The following BRDT variants were observed in gnomAD, a reference collection of about 807,000 sequenced individuals.
The protein encoded by BRDT is bromodomain testis associated.
A neutral mutation model predicts 113.9 loss-of-function variants in BRDT; 77 were observed. That is an observed-to-expected ratio of 0.68 (90% CI 0.56 to 0.82). BRDT has a LOEUF of 0.82. BRDT is among the 40% of genes least tolerant of loss of function. The probability of loss-of-function intolerance (pLI) is 0.00; values close to 1 mark genes in which losing one functional copy is unlikely to be tolerated. For missense variants in BRDT, 1,027 were observed against 1,105.4 expected (o/e 0.93, Z 1.01); for synonymous variants, 358 against 366.5 (o/e 0.98, Z 0.26).
intron 18 of BRDT, among the ~76,000 whole-genome samples, chr1:92,010,547 A>G (rs1687708210): frequency 6.6e-6 from 1 of 152,114 alleles, no homozygotes; most frequent in East Asian, 1.9e-4. Flanking sequence ...TCTGCCTCCC[A>G]AAGTGTTAGG....
intron 12 of BRDT, among the ~76,000 whole-genome samples, chr1:91,990,883 C>T (rs377473803): frequency 1.8e-4 from 27 of 152,122 alleles, no homozygotes; most frequent in African/African-American, 4.6e-4. Context: ...CTGCAACCTC[C>T]GCTTCCCAGG....
chr1:91,975,732 A>G (rs574727549), intron 4 of BRDT, among the ~76,000 whole-genome samples: 4 of 152,384 alleles, frequency 2.6e-5, no homozygotes, highest in South Asian at 2.1e-4. Flanking sequence ...TCAGAGTGAT[A>G]TGATCCAAAT....
intron 15 of BRDT, among the ~76,000 whole-genome samples, chr1:91,999,513 G>T (rs1686646400): frequency 6.6e-6 from 1 of 151,928 alleles, no homozygotes; most frequent in South Asian, 2.1e-4. Context: ...TCTCTGAATT[G>T]CATCCTTAAG....
chr1:91,959,219 T>C (rs1682144964), intron 1 of BRDT, among the ~76,000 whole-genome samples: 1 of 152,100 alleles, frequency 6.6e-6, no homozygotes, highest in Non-Finnish European at 1.5e-5. Flanking sequence ...TAATACTATA[T>C]GTAAAGTTCA....
intron 18 of BRDT, among the ~76,000 whole-genome samples, chr1:92,006,171 C>T (rs924303024): frequency 9.2e-5 from 14 of 152,074 alleles, no homozygotes; most frequent in Middle Eastern, 3.4e-3. Context: ...GGTAAATATT[C>T]TGTGTGCACA....
At chr1:91,968,108 A>G (rs1185096268) in intron 3 of BRDT, 38 bp from the exon 4 acceptor site, 1 of 1,602,188 alleles carries the variant, frequency 6.2e-7, no homozygotes, top group Admixed American at 1.7e-5. Flanking sequence ...CAGTGACCAT[A>G]CTGTATATCC....
At chr1:91,983,125 C>T (rs1315613942) in intron 12 of BRDT, among the ~76,000 whole-genome samples, 2 of 152,046 alleles carry the variant, frequency 1.3e-5, no homozygotes, top group Non-Finnish European at 2.9e-5. Flanking sequence ...TATGAATTAT[C>T]AGTTTCTGAT....
chr1:91,985,879 C>T (rs908023951), intron 12 of BRDT, among the ~76,000 whole-genome samples: 37 of 151,960 alleles, frequency 2.4e-4, no homozygotes, highest in Admixed American at 1.8e-3. Context: ...ACCTCGTGAT[C>T]CGCCCGCCTC....
intron 7 of BRDT, 139 bp from the exon 8 acceptor site, chr1:91,979,430 C>T (rs989990701): frequency 2.7e-5 from 23 of 836,806 alleles, no homozygotes; most frequent in East Asian, 1.3e-4. Flanking sequence ...AGTCTTAATA[C>T]GTTTCTTCTG....
rs542192511 is a variant in BRDT at position 91,977,383 on chromosome 1, G to T, written c.959G>T (p.Gly320Val). The T allele has an allele frequency of 1.3e-6, 2 of 1,577,742 alleles. No individual in the cohort carries two copies. Among genetic ancestry groups the T allele is most frequent in the African/African-American group, 1.4e-5 (1 of 73,418 alleles). Residue 320 changes from glycine (G) to valine (V), a missense_variant, in exon 6 of 19, where the codon GGA (glycine) becomes GTA (valine). Gly to Val is a moderately radical substitution (Grantham distance 109, BLOSUM62 -3). Coordinates refer to ENST00000399546, the MANE Select transcript of BRDT (RefSeq NM_207189.4). ...YDVVKNPMDL[G>V]TIKEKMDNQE... The stretch of plus-strand genomic sequence containing the variant: ...GTTGTCAAAAATCCGATGGATCTTG[G>T]AACTATTAAGGTAAATGTTGCCTTA...
chr1:91,958,214 CTTTTTT>C, intron 1 of BRDT, among the ~76,000 whole-genome samples: 1 of 127,338 alleles, frequency 7.9e-6, no homozygotes, highest in Admixed American at 8.7e-5. Flanking sequence ...AACTCATGCC[CTTTTTT>C]TTTTTTTTTT....
chr1:91,956,945 A>T (rs898890608), intron 1 of BRDT, among the ~76,000 whole-genome samples: 2 of 152,156 alleles, frequency 1.3e-5, no homozygotes, highest in African/African-American at 4.8e-5. Context: ...TCTCCAAAAA[A>T]TTTTTAAAAA....
At position 92,001,921 on chromosome 1, in the gene BRDT, A is replaced by G; in HGVS notation, c.2288-128A>G. ...CCTAACTAAGAATATTCCAAAGTTA[A>G]ATGATGCATCAAAAAATTAGTCTCT... On this transcript the variant is annotated intron_variant, in intron 15 of 18. Transcript: ENST00000399546. The G allele has an allele frequency of 6.6e-6, 4 of 606,566 alleles. No homozygotes were observed. In the South Asian group the frequency reaches 1.0e-4, roughly 16 times the overall value. The allele number at this position is 606,566 out of a possible 1,614,324, so 37.6% of individuals were successfully genotyped here.
chr1:91,984,807 C>CT (rs1203632720), intron 12 of BRDT, among the ~76,000 whole-genome samples: 21 of 152,060 alleles, frequency 1.4e-4, no homozygotes, highest in Middle Eastern at 3.4e-3. Flanking sequence ...AATTTTTGTA[C>CT]TTTTTTTGAC....
chr1:92,009,086 G>A (rs937017154), intron 18 of BRDT, among the ~76,000 whole-genome samples: 2 of 152,108 alleles, frequency 1.3e-5, no homozygotes, highest in Non-Finnish European at 2.9e-5. Context: ...CTGAAAGTTT[G>A]TATTCCTTGA....
At chr1:91,989,766 C>G (rs1026316860) in intron 12 of BRDT, among the ~76,000 whole-genome samples, 26 of 152,176 alleles carry the variant, frequency 1.7e-4, no homozygotes, top group African/African-American at 6.3e-4. Flanking sequence ...TTAAATAATA[C>G]TTAGCTGAGT....
At chr1:91,957,229 C>T (rs940886753) in intron 1 of BRDT, among the ~76,000 whole-genome samples, 19 of 152,322 alleles carry the variant, frequency 1.2e-4, no homozygotes, top group African/African-American at 4.3e-4. Flanking sequence ...GGCAGTGGCT[C>T]ATGCCTGTAA....
At chr1:92,000,125 G>A (rs535019442) in intron 15 of BRDT, among the ~76,000 whole-genome samples, 4 of 152,278 alleles carry the variant, frequency 2.6e-5, no homozygotes, top group East Asian at 3.9e-4. Flanking sequence ...GAATCCTCCC[G>A]CCTTGGCCTC....
At chr1:91,978,831 T>C (rs1684405751) in intron 7 of BRDT, among the ~76,000 whole-genome samples, 1 of 151,732 alleles carries the variant, frequency 6.6e-6, no homozygotes, top group African/African-American at 2.4e-5. Context: ...AAACCCCGTC[T>C]CTACTAAAAA....
Sources: allele counts gnomAD v4.1 joint callset (sites outside exome capture counted in the v4.1 genomes callset), GRCh38; gene constraint gnomAD v4.1.1; transcripts MANE v1.5; gene names NCBI Gene and HGNC (gene_info 2026-07-23, HGNC 2026-07-21).